Variants in ANKRD44 observed in about 807,000 individuals in gnomAD.
ANKRD44 encodes the protein ankyrin repeat domain 44, also known as serine/threonine-protein phosphatase 6 regulatory ankyrin repeat subunit B.
Under a neutral mutation model 116.0 loss-of-function variants are expected in ANKRD44, and 35 were observed. The observed-to-expected ratio is 0.30, with a 90% CI of 0.23 to 0.40. The LOEUF is 0.40. ANKRD44 is among the 10% of genes least tolerant of loss of function. ANKRD44 has a pLI of 1.00. For synonymous variants in ANKRD44, 435 were observed against 461.8 expected (o/e 0.94, Z 0.74); for missense variants, 1,014 against 1,242.6 (o/e 0.82, Z 2.77).
intron 16 of ANKRD44, among the ~76,000 whole-genome samples, chr2:197,051,196 A>T (rs1559022294): frequency 6.6e-6 from 1 of 152,024 alleles, no homozygotes; most frequent in Non-Finnish European, 1.5e-5. Context: ...CCATGGCTCA[A>T]GGGATCTGCC....
chr2:196,988,297 C>A lies in ANKRD44; in HGVS notation c.*1294G>T. 1.0e-6 allele frequency: 1 copy of A among 985,422 alleles called. No homozygotes were observed. Among genetic ancestry groups the A allele is most frequent in the Non-Finnish European group, 1.2e-6 (1 of 829,922 alleles). 61.0% of individuals were successfully genotyped at this position (985,422 alleles called of 1,614,324 possible). On this transcript the variant is annotated 3_prime_UTR_variant, in exon 28 of 28. Transcript: ENST00000282272. ...CATATTGTGCTTCTTCAACACTGAA[C>A]CTCTCTTAATTTTCAGTGTTTTGGT...
intron 14 of ANKRD44, among the ~76,000 whole-genome samples, chr2:197,082,312 G>A (rs192409796): frequency 1.2e-4 from 18 of 152,172 alleles, no homozygotes; most frequent in African/African-American, 4.1e-4. Flanking sequence ...CATGCCTAAG[G>A]GATCAGAATG....
intron 21 of ANKRD44, among the ~76,000 whole-genome samples, chr2:196,975,717 G>A (rs1406299220): frequency 6.6e-6 from 1 of 150,778 alleles, no homozygotes; most frequent in East Asian, 1.9e-4. Flanking sequence ...GAACCTGGGA[G>A]CTGGAGGTTG....
chr2:196,986,560 T>C (rs567851835), downstream of ANKRD44: 260 of 343,154 alleles, frequency 7.6e-4, 2 homozygotes, highest in African/African-American at 5.4e-3. Context: ...ACTTTTATCT[T>C]GATTATTTTC....
chr2:197,129,481 T>A lies in ANKRD44; in HGVS notation c.262-3444A>T, dbSNP rs149347837. ...CGAACACCTGTGAGGATTCTGGTATTTCCCCCAAATGGAGGCATCAGCCCA... is the reference window on the plus strand; with the variant it reads ...CGAACACCTGTGAGGATTCTGGTATATCCCCCAAATGGAGGCATCAGCCCA... On this transcript the variant is annotated intron_variant, in intron 4 of 27. Transcript: ENST00000282272. Among the ~76,000 whole-genome samples the A allele has an allele frequency of 3.8e-3, 579 of 152,264 alleles. 6 individuals carry two copies. The highest frequency in any genetic ancestry group is 0.013 in the African/African-American group (543 of 41,548).
At chr2:196,971,543 A>AT (rs1046428839) in intron 21 of ANKRD44, among the ~76,000 whole-genome samples, 2 of 151,432 alleles carry the variant, frequency 1.3e-5, no homozygotes, top group Admixed American at 6.6e-5. Context: ...TAACAGCTGC[A>AT]TTTTTTTTCA....
chr2:197,002,074 G>C (rs984324899), intron 21 of ANKRD44, among the ~76,000 whole-genome samples: 1 of 152,196 alleles, frequency 6.6e-6, no homozygotes, highest in Non-Finnish European at 1.5e-5. Context: ...CTGGTGAAGA[G>C]AGACAGAGAA....
At chr2:197,031,004 G>A (rs1226997343) in intron 16 of ANKRD44, among the ~76,000 whole-genome samples, 2 of 152,046 alleles carry the variant, frequency 1.3e-5, no homozygotes, top group African/African-American at 2.4e-5. Context: ...TTGTATAGAT[G>A]TTTTCCTAAT....
intron 2 of ANKRD44, among the ~76,000 whole-genome samples, chr2:197,153,461 A>G (rs1426553010): frequency 2.0e-5 from 3 of 152,148 alleles, no homozygotes; most frequent in Non-Finnish European, 4.4e-5. Context: ...TACACACAAC[A>G]GGTACCTCGG....
chr2:197,160,470 G>T (rs534613912), intron 2 of ANKRD44, among the ~76,000 whole-genome samples: 3 of 152,224 alleles, frequency 2.0e-5, no homozygotes, highest in Non-Finnish European at 4.4e-5. Context: ...AGCAGTGCTT[G>T]CCTGCCTCCT....
At chr2:197,096,413 C>T (rs1216415271) in intron 10 of ANKRD44, among the ~76,000 whole-genome samples, 2 of 152,110 alleles carry the variant, frequency 1.3e-5, no homozygotes, top group Non-Finnish European at 2.9e-5. Flanking sequence ...TTAAAATCCT[C>T]GAGACAATCC....
At chr2:197,034,920 G>A (rs2076780725) in intron 16 of ANKRD44, among the ~76,000 whole-genome samples, 1 of 152,158 alleles carries the variant, frequency 6.6e-6, no homozygotes, top group Non-Finnish European at 1.5e-5. Context: ...TGGGGGAATG[G>A]CTGAGATGCA....
At chr2:196,990,035 T>C in intron 27 of ANKRD44, 1 of 1,015,172 alleles carries the variant, frequency 9.9e-7, no homozygotes, top group Non-Finnish European at 1.2e-6. Flanking sequence ...TAGGGAACAC[T>C]GTGTTAAACA....
chr2:196,981,356 C>T (rs2075799944), intron 21 of ANKRD44, among the ~76,000 whole-genome samples: 1 of 152,234 alleles, frequency 6.6e-6, no homozygotes, highest in Admixed American at 6.5e-5. Flanking sequence ...TGTCTTCTTA[C>T]TCTATGCCTA....
intron 4 of ANKRD44, among the ~76,000 whole-genome samples, chr2:197,126,994 A>C (rs1027924407): frequency 1.3e-5 from 2 of 152,152 alleles, no homozygotes; most frequent in Admixed American, 6.5e-5. Context: ...TCTCAAAAAA[A>C]AAAATACAGT....
At chr2:197,240,543 C>T (rs996818699) in intron 1 of ANKRD44, among the ~76,000 whole-genome samples, 1 of 151,444 alleles carries the variant, frequency 6.6e-6, no homozygotes, top group Non-Finnish European at 1.5e-5. Flanking sequence ...AATCTAGTGA[C>T]ACTAGCAACA....
At chr2:197,084,945 G>C (rs1294026647) in intron 13 of ANKRD44, among the ~76,000 whole-genome samples, 1 of 151,998 alleles carries the variant, frequency 6.6e-6, no homozygotes, top group Non-Finnish European at 1.5e-5. Context: ...CTATTAAAAG[G>C]GGTAACAGCA....
intron 2 of ANKRD44, among the ~76,000 whole-genome samples, chr2:197,165,156 C>T (rs2080074966): frequency 6.6e-6 from 1 of 152,216 alleles, no homozygotes; most frequent in Admixed American, 6.5e-5. Context: ...ACCCTTTCCT[C>T]AACACGCCCC....
chr2:196,991,270 A>G (rs2075910441), intron 27 of ANKRD44, among the ~76,000 whole-genome samples: 1 of 152,178 alleles, frequency 6.6e-6, no homozygotes, highest in Admixed American at 6.5e-5. Context: ...ATAAACAGCA[A>G]CAGGACAATC....
Sources: gnomAD v4.1 joint callset for allele counts (sites outside exome capture counted in the v4.1 genomes callset) on GRCh38, gnomAD v4.1.1 for gene constraint, MANE v1.5 for transcripts, NCBI Gene and HGNC (gene_info 2026-07-23, HGNC 2026-07-21) for gene names.